ACTA2: variants seen among roughly 807,000 people sequenced by gnomAD.
ACTA2 encodes the protein actin alpha 2, smooth muscle.
A neutral mutation model predicts 39.5 loss-of-function variants in ACTA2; 12 were observed. That is an observed-to-expected ratio of 0.30 (90% confidence interval 0.19 to 0.49). The LOEUF is 0.49. Ranked by LOEUF, ACTA2 falls within the 20% of genes least tolerant of loss-of-function variation. The probability of loss-of-function intolerance (pLI) is 0.99; values close to 1 mark genes in which losing one functional copy is unlikely to be tolerated. For synonymous variants in ACTA2, 158 were observed against 180.6 expected (o/e 0.88, Z 1.00); for missense variants, 236 against 498.8 (o/e 0.47, Z 5.02).
At chr10:88,972,757 C>A (rs748575918) in intron 1 of ACTA2, among the ~76,000 whole-genome samples, 4 of 152,168 alleles carry the variant, frequency 2.6e-5, no homozygotes, top group Non-Finnish European at 5.9e-5. Context: ...AAGCCTCATA[C>A]AATGGTATGA....
chr10:88,941,134 T>C, intron 6 of ACTA2, 95 bp downstream of exon 6: 1 of 1,537,558 alleles, frequency 6.5e-7, no homozygotes, highest in Non-Finnish European at 9.0e-7. Context: ...TTTGCAAAAC[T>C]TCATCCCATC....
chr10:88,983,609 CAAAAAAAAAAA>C (rs71022549), intron 1 of ACTA2, among the ~76,000 whole-genome samples: 7 of 46,458 alleles, frequency 1.5e-4, no homozygotes, highest in Non-Finnish European at 1.8e-4. Flanking sequence ...ACAGGTTATG[CAAAAAAAAAAA>C]AAAAAAAAAA....
chr10:88,941,595 GA>G (rs1352984586), intron 5 of ACTA2, among the ~76,000 whole-genome samples, 189 bp downstream of exon 5: 1 of 152,108 alleles, frequency 6.6e-6, no homozygotes, highest in Non-Finnish European at 1.5e-5. Flanking sequence ...GAAAACAGTA[GA>G]AAAAAGTTCT....
intron 1 of ACTA2, among the ~76,000 whole-genome samples, chr10:88,962,905 A>G (rs1427886704): frequency 8.1e-6 from 1 of 124,174 alleles, no homozygotes; most frequent in African/African-American, 2.7e-5. Flanking sequence ...AGTGCAGGGG[A>G]ATGCCCCATA....
chr10:88,990,973 G>T lies in ACTA2; in HGVS notation c.-58C>A. On this transcript the variant is annotated 5_prime_UTR_variant, in exon 1 of 5. Transcript: ENST00000415557. This position sits in a 1 kb window ranked among gnomAD's most constrained non-coding sequence, Gnocchi z 4.9. ...GTCCCGGGGATAGGCAAAGTGGGGC[G>T]GGCGCGGGACGCGTGCGGGATTGCG... 2 of 1,608,984 alleles carry T rather than the reference G, an allele frequency of 1.2e-6. No homozygotes were observed. The highest frequency in any genetic ancestry group is 1.7e-6 in the Non-Finnish European group (2 of 1,175,750).
At chr10:88,991,326 C>T in exon 1 of ACTA2, 4 of 343,756 alleles carry the variant, frequency 1.2e-5, no homozygotes, top group Non-Finnish European at 2.2e-5. Context: ...CCCTGACAAG[C>T]CAAGCCAAAG....
intron 7 of ACTA2, 130 bp from the exon 8 acceptor site, chr10:88,938,372 C>A: frequency 2.9e-6 from 3 of 1,040,054 alleles, no homozygotes; most frequent in Non-Finnish European, 4.5e-6. Context: ...AATCTAGGAA[C>A]CACCTGTCTG....
At chr10:88,957,191 A>G (rs1846151281), upstream of ACTA2, among the ~76,000 whole-genome samples, 1 of 152,178 alleles carries the variant, frequency 6.6e-6, no homozygotes, top group African/African-American at 2.4e-5. Context: ...AGTGGAATAA[A>G]CTTGTATCAC....
intron 1 of ACTA2, among the ~76,000 whole-genome samples, chr10:88,969,657 C>T (rs1199828321): frequency 2.6e-5 from 4 of 152,200 alleles, no homozygotes; most frequent in Non-Finnish European, 4.4e-5. Flanking sequence ...AAGAAACCTC[C>T]TCTGACCACC....
chr10:88,980,337 A>T (rs1292213022), intron 1 of ACTA2, among the ~76,000 whole-genome samples: 4 of 152,202 alleles, frequency 2.6e-5, no homozygotes, highest in African/African-American at 9.7e-5. Context: ...CTGAGGACTG[A>T]GGAGAGCACA....
At chr10:88,938,299 A>G in intron 7 of ACTA2, 57 bp from the exon 8 acceptor site, 1 of 1,585,474 alleles carries the variant, frequency 6.3e-7, no homozygotes, top group Middle Eastern at 1.7e-4. Flanking sequence ...CAGGCTAGAC[A>G]TGGAAGACCA....
upstream of ACTA2, among the ~76,000 whole-genome samples, chr10:88,954,282 A>G (rs1246853006): frequency 6.6e-6 from 1 of 152,220 alleles, no homozygotes; most frequent in East Asian, 1.9e-4. Context: ...ACTATTGATT[A>G]GAAAATTTTA....
At position 88,973,062 on chromosome 10, in the gene ACTA2, G is replaced by A. The variant is rs141235281; in HGVS notation, c.-24+17877C>T. 7.1e-4 allele frequency: 816 copies of A among 1,146,428 alleles called. 6 individuals are homozygous for A. The African/African-American group carries it at 0.011, about 16-fold the overall frequency. The allele number at this position is 1,146,428 out of a possible 1,614,324, so 71.0% of individuals were successfully genotyped here. ...TTGTTTTATTTTAAAAGCTAACCTT[G>A]TAAGTACTTAGTCTTTCAAAAAATA... On this transcript the variant is annotated intron_variant, in intron 1 of 4. Coordinates refer to the ACTA2 transcript ENST00000415557.
chr10:88,959,761 G>A (rs1420344894), intron 1 of ACTA2, among the ~76,000 whole-genome samples: 1 of 152,118 alleles, frequency 6.6e-6, no homozygotes, highest in Non-Finnish European at 1.5e-5. Context: ...ATACCATGCT[G>A]CATTTAAGTC....
intron 1 of ACTA2, among the ~76,000 whole-genome samples, chr10:88,984,567 G>T (rs1695978851): frequency 6.6e-6 from 1 of 152,200 alleles, no homozygotes; most frequent in Non-Finnish European, 1.5e-5. Context: ...CCCAGTGTTT[G>T]CAAACTGGTT....
chr10:88,945,558 T>C (rs1845931034), intron 3 of ACTA2, among the ~76,000 whole-genome samples: 1 of 152,242 alleles, frequency 6.6e-6, no homozygotes, highest in Non-Finnish European at 1.5e-5. Context: ...TCTGTAATGT[T>C]TAATGACCAA....
chr10:88,980,362 G>A (rs183434417), intron 1 of ACTA2, among the ~76,000 whole-genome samples: 1 of 152,280 alleles, frequency 6.6e-6, no homozygotes, highest in Admixed American at 6.5e-5. Flanking sequence ...CAAGCATCAG[G>A]ACGCTGAACA....
Position 88,935,202 on chromosome 10 carries a change from A to G in ACTA2, c.*21T>C, listed in dbSNP as rs1453559393. ...ACATTCACAGTTGTGTGCTAGAGAC[A>G]GAGAGGAGCAGGAAAGTGTTTTAGA... On this transcript the variant is annotated 3_prime_UTR_variant, in exon 9 of 9. Coordinates refer to ENST00000224784, the MANE Select transcript of ACTA2 (RefSeq NM_001613.4). 1 of 1,611,990 alleles carries G rather than the reference A, an allele frequency of 6.2e-7. No homozygotes were observed. The highest frequency in any genetic ancestry group is 1.7e-5 in the Admixed American group (1 of 59,994).
chr10:88,941,927 C>T, intron 4 of ACTA2, 58 bp from the exon 5 acceptor site: 1 of 1,475,284 alleles, frequency 6.8e-7, no homozygotes, highest in Non-Finnish European at 9.3e-7. Flanking sequence ...AAAGAATGGT[C>T]AGGAGAGCAC....
Sources: allele counts gnomAD v4.1 joint callset (sites outside exome capture counted in the v4.1 genomes callset), GRCh38; gene constraint gnomAD v4.1.1; non-coding constraint Gnocchi (gnomAD v3.1); transcripts MANE v1.5; gene names NCBI Gene and HGNC (gene_info 2026-07-23, HGNC 2026-07-21).